ENTHD1: variants seen among roughly 807,000 people sequenced by gnomAD.
ENTHD1 encodes the protein ENTH domain-containing protein 1.
In ENTHD1, 23 loss-of-function variants were observed where a neutral mutation model predicts 39.1. That is an observed-to-expected ratio of 0.59 (90% CI 0.42 to 0.83). The LOEUF (loss-of-function observed/expected upper bound fraction) is 0.83. Ranked by LOEUF, ENTHD1 falls within the 40% of genes least tolerant of loss-of-function variation. The pLI, the probability that ENTHD1 is intolerant of heterozygous loss-of-function variation, is 0.00. For synonymous variants in ENTHD1, 230 were observed against 258.2 expected, an observed-to-expected ratio of 0.89 and a Z score of 1.05; for missense variants, 624 against 705.4, an observed-to-expected ratio of 0.88 and a Z score of 1.31.
At chr22:39,756,316 T>TCTCTCTCTCTCTCTCTCTCACACA (rs1433242336) in intron 6 of ENTHD1, among the ~76,000 whole-genome samples, 2 of 138,096 alleles carry the variant, frequency 1.4e-5, no homozygotes, top group African/African-American at 5.5e-5. Flanking sequence ...TCTCTCTCTC[T>TCTCTCTCTCTCTCTCTCTCACACA]CACACACACA....
chr22:39,887,361 C>A, intron 2 of ENTHD1, 39 bp downstream of exon 2: 2 of 1,516,770 alleles, frequency 1.3e-6, no homozygotes, highest in Admixed American at 1.9e-5. Context: ...CCGGTGTACA[C>A]CACCACACCC....
chr22:39,865,022 T>C (rs969251051), intron 2 of ENTHD1, among the ~76,000 whole-genome samples: 3 of 152,224 alleles, frequency 2.0e-5, no homozygotes, highest in Admixed American at 2.0e-4. Context: ...AATTTACAAC[T>C]TAGCTGCCTA....
In ENTHD1 at chr22:39,761,747, T is replaced by C. The variant is rs1048391372; in HGVS notation, c.1219+3476A>G. Among the ~76,000 whole-genome samples the C allele has an allele frequency of 2.6e-5, 4 of 152,192 alleles. No individual in the cohort carries two copies. In the South Asian group the frequency reaches 8.3e-4, roughly 32 times the overall value. ...CCAGTAAAATTTTCATTTCAATTAT[T>C]TATCTTTCAGCTCCAGAACTTCCAT... On this transcript the variant is annotated intron_variant, in intron 6 of 6. Coordinates refer to ENST00000325157, the MANE Select transcript of ENTHD1 (RefSeq NM_152512.4).
At chr22:39,845,145 G>C (rs1482045687) in intron 3 of ENTHD1, among the ~76,000 whole-genome samples, 1 of 149,818 alleles carries the variant, frequency 6.7e-6, no homozygotes, top group African/African-American at 2.5e-5. Context: ...ATGGCGGGAA[G>C]AGTCAAGAAA....
At chr22:39,747,090 G>A (rs139170983) in intron 6 of ENTHD1, among the ~76,000 whole-genome samples, 88 of 152,232 alleles carry the variant, frequency 5.8e-4, no homozygotes, top group African/African-American at 2.0e-3. Context: ...GGGCTCAAGC[G>A]ATCCTCCCGC....
chr22:39,884,560 AAAAGCTTATG>A (rs2066365815), intron 2 of ENTHD1, among the ~76,000 whole-genome samples: 1 of 152,144 alleles, frequency 6.6e-6, no homozygotes, highest in Non-Finnish European at 1.5e-5. Flanking sequence ...AGAAAAAAAA[AAAAGCTTATG>A]AAAGAACAAT....
Position 39,782,480 on chromosome 22 carries a change from G to A in ENTHD1, c.833-16871C>T, listed in dbSNP as rs1487866382. 2.0e-5 allele frequency among the ~76,000 whole-genome samples: 3 copies of A among 151,304 alleles called. No homozygotes were observed. In the East Asian group the frequency reaches 5.8e-4, roughly 29 times the overall value. ...CATTCTATGAGGCCAGCAGTACCCT[G>A]ATACCAAAACCAGACAAGGACACAA... On this transcript the variant is annotated intron_variant, in intron 5 of 6. Transcript: ENST00000325157.
chr22:39,806,089 C>T (rs931433156), intron 5 of ENTHD1, among the ~76,000 whole-genome samples: 23 of 152,138 alleles, frequency 1.5e-4, no homozygotes, highest in African/African-American at 4.8e-4. Flanking sequence ...TCTAGAAACT[C>T]GGGGGAAATC....
At chr22:39,809,000 A>C (rs1284842407) in intron 5 of ENTHD1, among the ~76,000 whole-genome samples, 1 of 152,214 alleles carries the variant, frequency 6.6e-6, no homozygotes, top group East Asian at 1.9e-4. Flanking sequence ...CACAGTTACT[A>C]TGTTGATACC....
rs1259856981 is a variant in ENTHD1, at chr22:39,875,376, T to A, written c.349+12024A>T. 25 of 1,407,098 alleles carry A rather than the reference T, an allele frequency of 1.8e-5. No individual in the cohort carries two copies. In the South Asian group the frequency reaches 3.7e-4, roughly 21 times the overall value. 87.2% of individuals were successfully genotyped at this position (1,407,098 alleles called of 1,614,324 possible). A position where few individuals can be genotyped will look rare whatever the true frequency, so the allele number is the denominator to read the frequency against. Reference sequence around the variant, plus strand: ...GGGGTGGCGGGCGCGCTGCGGCCCTTGGTGCAGGCCACGGTGCCCGCCACC... The same window carrying A: ...GGGGTGGCGGGCGCGCTGCGGCCCTAGGTGCAGGCCACGGTGCCCGCCACC... On this transcript the variant is annotated intron_variant, in intron 2 of 6. Coordinates refer to ENST00000325157, the MANE Select transcript of ENTHD1 (RefSeq NM_152512.4).
intron 6 of ENTHD1, among the ~76,000 whole-genome samples, chr22:39,746,698 T>A (rs1457971021): frequency 6.6e-6 from 1 of 152,084 alleles, no homozygotes; most frequent in Admixed American, 6.5e-5. Flanking sequence ...TTATCCTATC[T>A]CCTACCTAGA....
intron 5 of ENTHD1, among the ~76,000 whole-genome samples, chr22:39,778,758 T>C (rs1030646409): frequency 6.6e-6 from 1 of 152,226 alleles, no homozygotes; most frequent in Non-Finnish European, 1.5e-5. Flanking sequence ...TAATATGACT[T>C]ACAGGACTAT....
intron 5 of ENTHD1, among the ~76,000 whole-genome samples, chr22:39,799,724 G>A (rs748862997): frequency 6.6e-6 from 1 of 152,208 alleles, no homozygotes; most frequent in East Asian, 1.9e-4. Flanking sequence ...TACTGCGCAT[G>A]TGTTAAGAGA....
intron 5 of ENTHD1, among the ~76,000 whole-genome samples, chr22:39,795,869 G>A (rs761287442): frequency 3.9e-5 from 6 of 152,054 alleles, no homozygotes; most frequent in East Asian, 1.9e-4. Flanking sequence ...ATAGTTGTTC[G>A]TAATAGTCTC....
chr22:39,778,199 A>G (rs1044403378), intron 5 of ENTHD1, among the ~76,000 whole-genome samples: 1 of 152,206 alleles, frequency 6.6e-6, no homozygotes, highest in African/African-American at 2.4e-5. Context: ...GTGGGATTAC[A>G]GGGAGTTCCT....
chr22:39,818,353 C>A (rs748761492), intron 5 of ENTHD1, among the ~76,000 whole-genome samples: 1 of 152,198 alleles, frequency 6.6e-6, no homozygotes, highest in Non-Finnish European at 1.5e-5. Context: ...GACAAGCCAT[C>A]GCCACTGTGC....
chr22:39,840,840 C>T (rs376188898), intron 3 of ENTHD1, among the ~76,000 whole-genome samples: 31 of 152,094 alleles, frequency 2.0e-4, no homozygotes, highest in African/African-American at 7.0e-4. Context: ...CTGCAAGCTC[C>T]GCCTCCCAGG....
At chr22:39,791,116 C>T (rs939302683) in intron 5 of ENTHD1, among the ~76,000 whole-genome samples, 8 of 150,528 alleles carry the variant, frequency 5.3e-5, no homozygotes, top group African/African-American at 1.9e-4. Flanking sequence ...AAAAGAATCC[C>T]ATTTTAATAT....
At chr22:39,822,569 G>A (rs924672674) in intron 4 of ENTHD1, among the ~76,000 whole-genome samples, 2 of 152,058 alleles carry the variant, frequency 1.3e-5, no homozygotes, top group African/African-American at 4.8e-5. Context: ...AAGAAAGGAG[G>A]GAGAGATTGC....
Sources: gnomAD v4.1 joint callset for allele counts (sites outside exome capture counted in the v4.1 genomes callset) on GRCh38, gnomAD v4.1.1 for gene constraint, MANE v1.5 for transcripts, NCBI Gene and HGNC (gene_info 2026-07-23, HGNC 2026-07-21) for gene names.